Variants in C5AR1 observed in about 807,000 individuals in gnomAD.
The protein encoded by C5AR1 is C5a anaphylatoxin chemotactic receptor 1.
In C5AR1, 4 loss-of-function variants were observed where a neutral mutation model predicts 2.4. The observed-to-expected ratio is 1.65, with a 90% CI of 0.81 to 3.77. C5AR1 has a LOEUF of 3.77. C5AR1 is among the 30% of genes most tolerant of loss of function. The pLI is 0.01. For synonymous variants in C5AR1, 209 were observed against 210.4 expected (o/e 0.99, Z 0.06); for missense variants, 418 against 462.5 (o/e 0.90, Z 0.88).
rs79901860 is a variant in C5AR1, at chr19:47,310,098, C to G, written c.3+200C>G. ...CTCACACTCCAGGGCTGGGATGTGGCCATGGGAATAAGATTGTCAAGATTG... is the reference window on the plus strand; with the variant it reads ...CTCACACTCCAGGGCTGGGATGTGGGCATGGGAATAAGATTGTCAAGATTG... On this transcript the variant is annotated intron_variant, in intron 1 of 1. Coordinates refer to ENST00000355085, the MANE Select transcript of C5AR1 (RefSeq NM_001736.4). Among the ~76,000 whole-genome samples the G allele has an allele frequency of 3.5e-4, 54 of 152,262 alleles. No homozygotes were observed. The East Asian group carries it at 0.01, about 29-fold the overall frequency.
intron 1 of C5AR1, among the ~76,000 whole-genome samples, chr19:47,313,026 G>A (rs2059275681): frequency 6.6e-6 from 1 of 152,114 alleles, no homozygotes; most frequent in South Asian, 2.1e-4. Context: ...CCAGCCTGGA[G>A]GGCAGTGGTG....
intron 1 of C5AR1, among the ~76,000 whole-genome samples, chr19:47,318,865 A>G (rs1033979619): frequency 6.9e-6 from 1 of 145,248 alleles, no homozygotes; most frequent in African/African-American, 2.5e-5. Flanking sequence ...AGAAGTGATC[A>G]GGACCTTTTT....
intron 1 of C5AR1, among the ~76,000 whole-genome samples, chr19:47,317,084 T>C (rs913705936): frequency 1.3e-5 from 2 of 149,602 alleles, no homozygotes; most frequent in African/African-American, 4.9e-5. Flanking sequence ...TCCTAGCTAC[T>C]CAAGAGGCTG....
At position 47,320,008 on chromosome 19, in the gene C5AR1, C is replaced by T; in HGVS notation, c.231C>T (p.Asn77=). The T allele has an allele frequency of 1.9e-6, 3 of 1,614,250 alleles. No homozygotes were observed. Among genetic ancestry groups the T allele is most frequent in the Non-Finnish European group, 2.5e-6 (3 of 1,180,050 alleles). The change falls in exon 2 of 2, where the codon AAC becomes AAT. Residue 77 remains asparagine, a synonymous_variant. Transcript: ENST00000355085. This position sits in a 1 kb window ranked among gnomAD's most constrained non-coding sequence, Gnocchi z 4.9. ...CCATCAATGCCATCTGGTTCCTCAA[C>T]TTGGCGGTAGCCGACTTCCTCTCCT... ...KRTINAIWFL[N]LAVADFLSCL...
chr19:47,317,927 C>T lies in C5AR1; in HGVS notation c.4-1854C>T, dbSNP rs144837639. Reference sequence around the variant, plus strand: ...ACCTGGGAGGCAGAGGTTGCAGTGACCCGAGATCGTGCCACTGCAGTCCAG... The same window carrying T: ...ACCTGGGAGGCAGAGGTTGCAGTGATCCGAGATCGTGCCACTGCAGTCCAG... On this transcript the variant is annotated intron_variant, in intron 1 of 1. Coordinates refer to ENST00000355085, the MANE Select transcript of C5AR1 (RefSeq NM_001736.4). Among the ~76,000 whole-genome samples the T allele has an allele frequency of 2.3e-4, 34 of 150,738 alleles. No individual in the cohort carries two copies. The East Asian group carries it at 6.3e-3, about 28-fold the overall frequency.
intron 1 of C5AR1, among the ~76,000 whole-genome samples, chr19:47,312,029 C>T (rs2059272653): frequency 6.6e-6 from 1 of 152,246 alleles, no homozygotes; most frequent in Admixed American, 6.5e-5. Flanking sequence ...CCGAGCTCAG[C>T]TTCTGTCTCT....
At chr19:47,314,461 G>A (rs1277843836) in intron 1 of C5AR1, among the ~76,000 whole-genome samples, 2 of 152,082 alleles carry the variant, frequency 1.3e-5, no homozygotes, top group Admixed American at 6.6e-5. Flanking sequence ...ATAGTGAAGC[G>A]ATCTCGGCTC....
intron 1 of C5AR1, among the ~76,000 whole-genome samples, chr19:47,312,727 C>A (rs1175492110): frequency 6.6e-6 from 1 of 151,726 alleles, no homozygotes; most frequent in East Asian, 1.9e-4. Flanking sequence ...GGAGTTGCCT[C>A]CTCCTCCTCC....
At chr19:47,317,522 A>T (rs2059293833) in intron 1 of C5AR1, among the ~76,000 whole-genome samples, 1 of 111,662 alleles carries the variant, frequency 9.0e-6, no homozygotes, top group Non-Finnish European at 2.2e-5. Flanking sequence ...AAAAAAAAAT[A>T]TATATATATA....
chr19:47,314,989 T>C (rs1489102206), intron 1 of C5AR1, among the ~76,000 whole-genome samples: 1 of 152,210 alleles, frequency 6.6e-6, no homozygotes, highest in Non-Finnish European at 1.5e-5. Context: ...CCACCACGCC[T>C]GGCCTCACCC....
chr19:47,319,929 G>A lies in C5AR1; in HGVS notation c.152G>A (p.Gly51Glu). The A allele has an allele frequency of 6.2e-7, 1 of 1,614,256 alleles. No homozygotes were observed. Among genetic ancestry groups the A allele is most frequent in the Non-Finnish European group, 8.5e-7 (1 of 1,180,052 alleles). The change falls in exon 2 of 2, where the codon GGA (glycine) becomes GAA (glutamate). Residue 51 changes from glycine to glutamate, a missense_variant. Coordinates refer to ENST00000355085, the MANE Select transcript of C5AR1 (RefSeq NM_001736.4). The part of the protein sequence containing the change: ...LVIFAVVFLV[G>E]VLGNALVVWV... ...ATCTTTGCAGTCGTCTTCCTGGTGG[G>A]AGTGCTGGGCAATGCCCTGGTGGTC...
At chr19:47,311,201 CAAAT>C (rs144062148) in intron 1 of C5AR1, among the ~76,000 whole-genome samples, 376 of 151,780 alleles carry the variant, frequency 2.5e-3, no homozygotes, top group Non-Finnish European at 4.1e-3. Flanking sequence ...TCCAAAGTAC[CAAAT>C]GATACTTGGT....
At chr19:47,317,477 C>T (rs1451581368) in intron 1 of C5AR1, among the ~76,000 whole-genome samples, 1 of 139,670 alleles carries the variant, frequency 7.2e-6, no homozygotes, top group East Asian at 2.1e-4. Flanking sequence ...CCCTGAGCTA[C>T]AGCCTGGGTG....
rs750926852 is a variant in C5AR1 at position 47,320,622 on chromosome 19, A to T, written c.845A>T (p.Asp282Val). ...SPTFLLLKKLDSLCVSFAYIN... is the reference protein window; with the variant it reads ...SPTFLLLKKLVSLCVSFAYIN... ...ACCTTCCTGCTGCTGAAGAAGCTGG[A>T]CTCCCTGTGTGTCTCCTTTGCCTAC... The change falls in exon 2 of 2, where the codon GAC becomes GTC. Residue 282 changes from aspartate (D) to valine (V), a missense_variant. By Grantham distance (152) the Asp-to-Val change is radical. Coordinates refer to ENST00000355085, the MANE Select transcript of C5AR1 (RefSeq NM_001736.4). The surrounding 1 kb of genome is among the most constrained non-coding windows in gnomAD (Gnocchi z 4.9). 1 of 1,613,360 alleles carries T rather than the reference A, an allele frequency of 6.2e-7. No homozygotes were observed. Among genetic ancestry groups the T allele is most frequent in the Non-Finnish European group, 8.5e-7 (1 of 1,179,872 alleles).
At chr19:47,310,464 C>T (rs1056373645) in intron 1 of C5AR1, among the ~76,000 whole-genome samples, 2 of 152,090 alleles carry the variant, frequency 1.3e-5, no homozygotes, top group Non-Finnish European at 2.9e-5. Flanking sequence ...GAGGAATGGT[C>T]AAGTTACTCA....
chr19:47,309,957 C>T (rs1261423972), intron 1 of C5AR1, 59 bp downstream of exon 1: 3 of 1,574,638 alleles, frequency 1.9e-6, no homozygotes, highest in Non-Finnish European at 1.7e-6. Flanking sequence ...CCCATCTTTG[C>T]TCCAGTGGGT....
chr19:47,315,036 A>T (rs533583627), intron 1 of C5AR1, among the ~76,000 whole-genome samples: 1 of 151,708 alleles, frequency 6.6e-6, no homozygotes, highest in Non-Finnish European at 1.5e-5. Flanking sequence ...TTATATAAAC[A>T]TTCTTTTTGT....
intron 1 of C5AR1, among the ~76,000 whole-genome samples, chr19:47,313,422 A>G (rs565981774): frequency 5.5e-4 from 83 of 151,228 alleles, no homozygotes; most frequent in African/African-American, 1.9e-3. Flanking sequence ...CCCACTCCCA[A>G]TGCACTTTAG....
chr19:47,312,543 A>T (rs1287673987), intron 1 of C5AR1, among the ~76,000 whole-genome samples: 1 of 152,240 alleles, frequency 6.6e-6, no homozygotes, highest in Non-Finnish European at 1.5e-5. Context: ...TCCCAGCCTT[A>T]TAAATGGCAG....
Sources: gnomAD v4.1 joint callset for allele counts (sites outside exome capture counted in the v4.1 genomes callset) on GRCh38, gnomAD v4.1.1 for gene constraint, Gnocchi (gnomAD v3.1) non-coding constraint, MANE v1.5 for transcripts, NCBI Gene and HGNC (gene_info 2026-07-23, HGNC 2026-07-21) for gene names.